Variants in MYZAP observed in about 807,000 individuals in gnomAD.
MYZAP encodes GRINL1A complex locus upstream.
Under a neutral mutation model 69.4 loss-of-function variants are expected in MYZAP, and 66 were observed. That is an observed-to-expected ratio of 0.95 (90% CI 0.78 to 1.17). The LOEUF (loss-of-function observed/expected upper bound fraction) is 1.17. Among genes scored for constraint, MYZAP ranks in the 50% most tolerant of loss-of-function variants. The probability of loss-of-function intolerance (pLI) is 0.00; values close to 1 mark genes in which losing one functional copy is unlikely to be tolerated. For synonymous variants in MYZAP, 256 were observed against 205.9 expected, an observed-to-expected ratio of 1.24 and a Z score of -2.09; for missense variants, 611 against 556.2, an observed-to-expected ratio of 1.10 and a Z score of -0.99.
Position 57,646,982 on chromosome 15 carries a change from G to A in MYZAP, c.1119+7437G>A, listed in dbSNP as rs1283654583. 3 of 985,264 alleles carry A rather than the reference G, an allele frequency of 3.0e-6. No individual in the cohort carries two copies. The African/African-American group carries it at 5.2e-5, about 17-fold the overall frequency. 61.0% of individuals were successfully genotyped at this position (985,264 alleles called of 1,614,324 possible). A position where few individuals can be genotyped will look rare whatever the true frequency, so the allele number is the denominator to read the frequency against. ...AACATGGCAGTTTTGCTGAGAACTA[G>A]CAGTAGTAGCTGCAGTCATAGCAAT... is the stretch of plus-strand genomic sequence containing the variant. On this transcript the variant is annotated intron_variant, in intron 10 of 12. Transcript: ENST00000267853.
At chr15:57,624,208 C>G (rs2140407091) in intron 4 of MYZAP, among the ~76,000 whole-genome samples, 1 of 152,176 alleles carries the variant, frequency 6.6e-6, no homozygotes, top group Admixed American at 6.5e-5. Flanking sequence ...TTAATATTCC[C>G]AAAGATAAAA....
chr15:57,601,805 G>T (rs2034433047), intron 1 of MYZAP, among the ~76,000 whole-genome samples: 1 of 152,120 alleles, frequency 6.6e-6, no homozygotes, highest in African/African-American at 2.4e-5. Flanking sequence ...GGGACAGGAG[G>T]ACTGCCTAGA....
intron 7 of MYZAP, 40 bp downstream of exon 7, chr15:57,632,599 T>C: frequency 6.2e-7 from 1 of 1,610,878 alleles, no homozygotes; most frequent in Middle Eastern, 1.7e-4. Context: ...TTACCGGGAA[T>C]TGTTGGTTCA....
intron 10 of MYZAP, chr15:57,646,190 A>G (rs772571560): frequency 3.2e-5 from 41 of 1,289,274 alleles, no homozygotes; most frequent in Non-Finnish European, 3.8e-5. Flanking sequence ...TTGGAAGATG[A>G]TAAGTTGGTA....
chr15:57,632,695 T>C, intron 7 of MYZAP, 136 bp downstream of exon 7: 1 of 1,412,918 alleles, frequency 7.1e-7, no homozygotes, highest in South Asian at 1.4e-5. Context: ...CAAGGAATTA[T>C]TCATCTGCTC....
At chr15:57,643,392 G>T (rs555203479) in intron 10 of MYZAP, among the ~76,000 whole-genome samples, 2 of 152,278 alleles carry the variant, frequency 1.3e-5, no homozygotes, top group South Asian at 4.2e-4. Context: ...GTTGGGATTG[G>T]TCTTTGGTCC....
chr15:57,605,669 G>A (rs1404844881), intron 2 of MYZAP, among the ~76,000 whole-genome samples: 1 of 152,158 alleles, frequency 6.6e-6, no homozygotes, highest in African/African-American at 2.4e-5. Context: ...ACTAGAGAAA[G>A]GTGAGGAGTA....
chr15:57,665,719 C>G (rs143222978), intron 11 of MYZAP, among the ~76,000 whole-genome samples: 236 of 152,268 alleles, frequency 1.5e-3, no homozygotes, highest in African/African-American at 5.5e-3. Flanking sequence ...TCTCAGGTCT[C>G]CATTTGGGGA....
intron 6 of MYZAP, among the ~76,000 whole-genome samples, chr15:57,630,858 A>G (rs1242251810): frequency 6.6e-6 from 1 of 152,232 alleles, no homozygotes; most frequent in Non-Finnish European, 1.5e-5. Flanking sequence ...TCAAAGCAGA[A>G]TATGTGAGGG....
chr15:57,595,850 C>T (rs1198644670), intron 1 of MYZAP, among the ~76,000 whole-genome samples: 1 of 152,188 alleles, frequency 6.6e-6, no homozygotes, highest in Non-Finnish European at 1.5e-5. Flanking sequence ...AAGGCTTCCT[C>T]TGTTAAACAC....
intron 2 of MYZAP, among the ~76,000 whole-genome samples, chr15:57,604,856 A>C (rs750648): frequency 0.81 from 123,223 of 152,150 alleles, 50,221 homozygotes; most frequent in East Asian, 0.93. Flanking sequence ...CATTTTTGTG[A>C]CAGCTCCTGT....
intron 5 of MYZAP, among the ~76,000 whole-genome samples, chr15:57,628,718 A>G (rs2036306461): frequency 6.6e-6 from 1 of 152,222 alleles, no homozygotes. Context: ...GTTTGCAGGT[A>G]TGTGAGTATT....
intron 1 of MYZAP, among the ~76,000 whole-genome samples, chr15:57,603,265 C>A (rs941918862): frequency 1.1e-4 from 17 of 152,102 alleles, no homozygotes; most frequent in African/African-American, 4.1e-4. Context: ...TAAGCCTTTC[C>A]AGCTAACTGT....
chr15:57,597,814 A>T (rs1184821504), intron 1 of MYZAP, among the ~76,000 whole-genome samples: 1 of 152,202 alleles, frequency 6.6e-6, no homozygotes, highest in East Asian at 1.9e-4. Context: ...CAAGAGGTCT[A>T]ATCTAGATGG....
intron 10 of MYZAP, chr15:57,647,988 A>G (rs1051825646): frequency 3.0e-6 from 3 of 985,378 alleles, no homozygotes; most frequent in African/African-American, 1.7e-5. Context: ...CTCCAAGGCT[A>G]CAGCTCTGTC....
chr15:57,604,437 T>G, intron 2 of MYZAP, 82 bp downstream of exon 2: 5 of 1,482,554 alleles, frequency 3.4e-6, no homozygotes, highest in Non-Finnish European at 4.7e-6. Flanking sequence ...AACCAGGCCA[T>G]TCCCAGAGGC....
chr15:57,593,188 GCACACACACACACA>G (rs199705290), intron 1 of MYZAP, among the ~76,000 whole-genome samples: 1 of 114,152 alleles, frequency 8.8e-6, no homozygotes. Context: ...GTACACAGGC[GCACACACACACACA>G]CACACACACA....
At chr15:57,617,973 C>A in intron 2 of MYZAP, 60 bp from the exon 3 acceptor site, 1 of 1,560,100 alleles carries the variant, frequency 6.4e-7, no homozygotes, top group Non-Finnish European at 8.6e-7. Context: ...CCCGTTATTA[C>A]AACTGTGCAT....
At position 57,607,340 on chromosome 15, in the gene MYZAP, G is replaced by A. The variant is rs182316771; in HGVS notation, c.162+2985G>A. Reference sequence around the variant, plus strand: ...TCTGTAACCACTGAAGAAGAATCAAGTAATCCCAAGGAAGGAGCCTCGTGT... The same window carrying A: ...TCTGTAACCACTGAAGAAGAATCAAATAATCCCAAGGAAGGAGCCTCGTGT... On this transcript the variant is annotated intron_variant, in intron 2 of 12. Transcript: ENST00000267853. Among the ~76,000 whole-genome samples the A allele has an allele frequency of 6.0e-3, 921 of 152,328 alleles. 16 individuals are homozygous for A. Among genetic ancestry groups the A allele is most frequent in the African/African-American group, 0.021 (872 of 41,562 alleles).
Sources: allele counts gnomAD v4.1 joint callset (sites outside exome capture counted in the v4.1 genomes callset), GRCh38; gene constraint gnomAD v4.1.1; transcripts MANE v1.5; gene names NCBI Gene and HGNC (gene_info 2026-07-23, HGNC 2026-07-21).